The following PSMG4 variants were observed in gnomAD, a reference collection of about 807,000 sequenced individuals.
The protein encoded by PSMG4 is proteasome (prosome, macropain) assembly chaperone 4.
A neutral mutation model predicts 11.0 loss-of-function variants in PSMG4; 10 were observed. That is an observed-to-expected ratio of 0.91 (90% confidence interval 0.56 to 1.54). PSMG4 has a LOEUF of 1.54. PSMG4 is among the 40% of genes most tolerant of loss of function. The probability of loss-of-function intolerance (pLI) is 0.00; values close to 1 mark genes in which losing one functional copy is unlikely to be tolerated. For synonymous variants in PSMG4, 95 were observed against 71.3 expected, an observed-to-expected ratio of 1.33 and a Z score of -1.68; for missense variants, 198 against 160.9, an observed-to-expected ratio of 1.23 and a Z score of -1.25.
intron 2 of PSMG4, chr6:3,264,531 T>G: frequency 4.1e-6 from 4 of 983,890 alleles, no homozygotes; most frequent in Non-Finnish European, 5.7e-6. Context: ...TGCACACGAA[T>G]AGCATGGCAC....
chr6:3,254,469 T>C (rs369457255), upstream of PSMG4, among the ~76,000 whole-genome samples: 7 of 152,206 alleles, frequency 4.6e-5, no homozygotes, highest in East Asian at 7.7e-4. Flanking sequence ...GTGTGTCTTT[T>C]TAGATAAATA....
At chr6:3,254,903 ATC>A (rs1356790406), upstream of PSMG4, 2 of 845,782 alleles carry the variant, frequency 2.4e-6, no homozygotes, top group African/African-American at 1.8e-5. Flanking sequence ...TAAGTGAATG[ATC>A]TCTGAGCTGG....
chr6:3,266,494 G>A (rs1758186624), intron 2 of PSMG4: 1 of 152,212 alleles, frequency 6.6e-6, no homozygotes, highest in Non-Finnish European at 1.5e-5. Context: ...CACTGGCCCT[G>A]CGTATGGGTG....
upstream of PSMG4, among the ~76,000 whole-genome samples, chr6:3,255,874 G>C (rs5873868): frequency 0.74 from 112,247 of 151,880 alleles, 42,812 homozygotes; most frequent in Non-Finnish European, 0.84. Flanking sequence ...AAATTGTTTT[G>C]TCTTCCTCTT....
upstream of PSMG4, among the ~76,000 whole-genome samples, chr6:3,256,120 T>G (rs1016994086): frequency 1.3e-5 from 2 of 152,096 alleles, no homozygotes; most frequent in Non-Finnish European, 2.9e-5. Context: ...TGGCACAAAT[T>G]TTCACCATCC....
At chr6:3,258,602 G>A (rs1757842620), upstream of PSMG4, among the ~76,000 whole-genome samples, 1 of 152,160 alleles carries the variant, frequency 6.6e-6, no homozygotes, top group Non-Finnish European at 1.5e-5. Flanking sequence ...CACGGCCTGG[G>A]AGGACGGTGC....
chr6:3,254,554 T>C (rs1359200478), upstream of PSMG4, among the ~76,000 whole-genome samples: 1 of 152,166 alleles, frequency 6.6e-6, no homozygotes, highest in African/African-American at 2.4e-5. Context: ...TGCAGATTTG[T>C]TCTCGGGGTT....
At chr6:3,267,302 G>C (rs1633) in intron 2 of PSMG4, 14 of 259,220 alleles carry the variant, frequency 5.4e-5, no homozygotes, top group African/African-American at 2.9e-4. Context: ...TTCTGGGTCA[G>C]GAGGGCTGGG....
upstream of PSMG4, chr6:3,254,997 C>G (rs535605963): frequency 3.9e-6 from 6 of 1,524,880 alleles, no homozygotes; most frequent in African/African-American, 1.4e-5. Context: ...ATGGACCTAG[C>G]GCACTCCCAT....
chr6:3,255,524 A>T (rs367949891), upstream of PSMG4, among the ~76,000 whole-genome samples: 5 of 152,166 alleles, frequency 3.3e-5, no homozygotes, highest in African/African-American at 1.2e-4. Context: ...CCCACTGCCC[A>T]TGAGTCTGTA....
At chr6:3,260,860 C>T (rs750611618) in intron 1 of PSMG4, among the ~76,000 whole-genome samples, 2 of 152,240 alleles carry the variant, frequency 1.3e-5, no homozygotes, top group East Asian at 1.9e-4. Context: ...TCGGAGCACT[C>T]GAAGACTCCA....
upstream of PSMG4, chr6:3,255,302 G>A (rs904390237): frequency 7.2e-6 from 11 of 1,521,978 alleles, no homozygotes; most frequent in Admixed American, 1.8e-4. Context: ...CATCCTGGGA[G>A]AGTGGTGGAT....
intron 2 of PSMG4, chr6:3,264,563 G>A (rs1169084871): frequency 6.1e-6 from 4 of 658,894 alleles, no homozygotes; most frequent in Non-Finnish European, 9.5e-6. Flanking sequence ...GGAAGGCAGG[G>A]CAGGGTGGAG....
At chr6:3,255,552 C>T (rs1361894932), upstream of PSMG4, among the ~76,000 whole-genome samples, 2 of 152,188 alleles carry the variant, frequency 1.3e-5, no homozygotes, top group African/African-American at 2.4e-5. Flanking sequence ...CAACCTTGGG[C>T]TGCTGTTCTG....
At chr6:3,267,461 G>A in intron 2 of PSMG4, 130 bp from the exon 3 acceptor site, 1 of 1,048,392 alleles carries the variant, frequency 9.5e-7, no homozygotes, top group South Asian at 1.6e-5. Flanking sequence ...GAGGCATGGA[G>A]ATTAGAGCTT....
chr6:3,254,479 A>AC (rs1757666004), upstream of PSMG4, among the ~76,000 whole-genome samples: 1 of 151,244 alleles, frequency 6.6e-6, no homozygotes, highest in African/African-American at 2.4e-5. Context: ...TTAGATAAAT[A>AC]TTGTTGCTGG....
At position 3,260,278 on chromosome 6, in the gene PSMG4, TA is replaced by T. The variant is rs1561840856; in HGVS notation, c.174+1083del. Among the ~76,000 whole-genome samples, 19 of 43,950 alleles carry T rather than the reference TA, an allele frequency of 4.3e-4. 4 individuals are homozygous for T. Among genetic ancestry groups the T allele is most frequent in the East Asian group, 1.1e-3 (2 of 1,878 alleles). The allele number at this position is 43,950 out of a possible 152,430, so 28.8% of individuals were successfully genotyped here. On this transcript the variant is annotated intron_variant, in intron 1 of 2. Transcript: ENST00000438998. ...TCCAGTATAACCTTGTCTTAAATTG[TA>T]TATATATATATATTTTTTTTTTTTT...
intron 2 of PSMG4, chr6:3,264,581 AGCAGG>A (rs1270137200): frequency 7.6e-6 from 4 of 526,054 alleles, no homozygotes; most frequent in Non-Finnish European, 1.3e-5. Context: ...GAGTGTCACC[AGCAGG>A]CCCATGACAG....
chr6:3,258,218 A>G (rs548388217), upstream of PSMG4, among the ~76,000 whole-genome samples: 3 of 152,272 alleles, frequency 2.0e-5, no homozygotes, highest in East Asian at 5.8e-4. Context: ...ATCTCTCTTG[A>G]GATCCTTTCC....
Sources: gnomAD v4.1 joint callset for allele counts (sites outside exome capture counted in the v4.1 genomes callset) on GRCh38, gnomAD v4.1.1 for gene constraint, MANE v1.5 for transcripts, NCBI Gene and HGNC (gene_info 2026-07-23, HGNC 2026-07-21) for gene names.